CREB3L2: variants seen among roughly 807,000 people sequenced by gnomAD.
CREB3L2 encodes cAMP responsive element binding protein 3 like 2.
CREB3L2 carries 23 observed loss-of-function variants against 57.2 expected under a neutral mutation model. The ratio of observed to expected loss-of-function variants is 0.40; its 90% confidence interval spans 0.29 to 0.57. CREB3L2 has a LOEUF of 0.57. Ranked by LOEUF, CREB3L2 falls within the 20% of genes least tolerant of loss-of-function variation. The pLI, the probability that CREB3L2 is intolerant of heterozygous loss-of-function variation, is 0.42. For missense variants in CREB3L2, 628 were observed against 634.7 expected (o/e 0.99, Z 0.11); for synonymous variants, 268 against 265.1 (o/e 1.01, Z -0.11).
At chr7:137,936,185 GAC>G (rs1310774194) in intron 1 of CREB3L2, among the ~76,000 whole-genome samples, 4 of 152,226 alleles carry the variant, frequency 2.6e-5, no homozygotes, top group African/African-American at 7.2e-5. Context: ...GTCTTATAAA[GAC>G]AGAGTTATCC....
rs1800986654 is a variant in CREB3L2, at chr7:137,946,768, AGTT to A, written c.103-18405_103-18403del. On this transcript the variant is annotated intron_variant, in intron 1 of 11. Coordinates refer to ENST00000330387, the MANE Select transcript of CREB3L2 (RefSeq NM_194071.4). Reference sequence around the variant, plus strand: ...TTTTTTATAGTTATCTATATAGTTTAGTTATCTATATAGTTATCTATATAGTTA... The same window carrying A: ...TTTTTTATAGTTATCTATATAGTTTAATCTATATAGTTATCTATATAGTTA... Among the ~76,000 whole-genome samples the A allele has an allele frequency of 6.3e-5, 2 of 31,928 alleles. 1 individual carries two copies. The highest frequency in any genetic ancestry group is 1.4e-4 in the Non-Finnish European group (2 of 14,260). The allele number at this position is 31,928 out of a possible 152,430, so 20.9% of individuals were successfully genotyped here.
At chr7:137,986,976 T>A (rs566616924) in intron 1 of CREB3L2, among the ~76,000 whole-genome samples, 2 of 152,216 alleles carry the variant, frequency 1.3e-5, no homozygotes, top group Non-Finnish European at 2.9e-5. Flanking sequence ...ACATCACAGC[T>A]GTGCTGCAGC....
At position 137,904,337 on chromosome 7, in the gene CREB3L2, C is replaced by T. The variant is rs557169624; in HGVS notation, c.916-320G>A. On this transcript the variant is annotated intron_variant, in intron 6 of 11. Transcript: ENST00000330387. ...CTTGAGGTCAGGAGTTCGAGACCAG[C>T]CTGGCCAACATGGTGAAACCCTGTC... Among the ~76,000 whole-genome samples, 93 of 152,166 alleles carry T rather than the reference C, an allele frequency of 6.1e-4. 1 individual carries two copies. The highest frequency in any genetic ancestry group is 3.4e-3 in the Middle Eastern group (1 of 294).
intron 1 of CREB3L2, among the ~76,000 whole-genome samples, chr7:137,948,800 A>C (rs1801045122): frequency 6.6e-6 from 1 of 152,198 alleles, no homozygotes; most frequent in South Asian, 2.1e-4. Context: ...CCAAGAAGGT[A>C]TATCAGATGC....
rs372731384 is a variant in CREB3L2, at chr7:137,878,947, CAGAG to C, written c.*1525_*1528del. On this transcript the variant is annotated 3_prime_UTR_variant, in exon 12 of 12. Coordinates refer to ENST00000330387, the MANE Select transcript of CREB3L2 (RefSeq NM_194071.4). ...GTGGGGGGAGAGAGAGAAGGAGAGA[CAGAG>C]AGAGAGAGGGAGAGAGAGAAGCCAA... 6 of 401,066 alleles carry C rather than the reference CAGAG, an allele frequency of 1.5e-5. No individual in the cohort carries two copies. Among genetic ancestry groups the C allele is most frequent in the African/African-American group, 4.1e-5 (2 of 48,334 alleles). 24.8% of individuals were successfully genotyped at this position (401,066 alleles called of 1,614,324 possible).
rs1585580734 is a variant in CREB3L2, at chr7:137,877,054, A to T, written c.*3422T>A. ...GAGGAGCCATAAAATGCTGGAGAAC[A>T]ATTTTAAAAAACACTTATGAAAAAA... On this transcript the variant is annotated 3_prime_UTR_variant, in exon 12 of 12. Transcript: ENST00000330387. 8.7e-6 allele frequency: 2 copies of T among 229,736 alleles called. No individual in the cohort carries two copies. The highest frequency in any genetic ancestry group is 1.2e-4 in the East Asian group (2 of 16,136). 14.2% of individuals were successfully genotyped at this position (229,736 alleles called of 1,614,324 possible).
At chr7:137,922,453 TACACACATATATATATACACAC>T (rs1800344727) in intron 2 of CREB3L2, 1 of 72,580 alleles carries the variant, frequency 1.4e-5, no homozygotes, top group African/African-American at 6.3e-5. Context: ...TATATATATA[TACACACATATATATATACACAC>T]ATATATATAT....
intron 1 of CREB3L2, among the ~76,000 whole-genome samples, chr7:137,961,718 G>A (rs190343584): frequency 1.4e-4 from 22 of 152,140 alleles, no homozygotes; most frequent in South Asian, 8.3e-4. Context: ...TTTCCCACCC[G>A]GGGGGCACAC....
rs1384367722 is a variant in CREB3L2, at chr7:138,002,069, C to A, written c.-364G>T. On this transcript the variant is annotated 5_prime_UTR_variant, in exon 1 of 12. Transcript: ENST00000330387. The stretch of plus-strand genomic sequence containing the variant: ...CTCCAGACACAAACTTTGAGGGACC[C>A]CAGGGCTCCTCGGCTCTGCTCCAGG... The A allele has an allele frequency of 1.1e-5, 3 of 283,012 alleles. No homozygotes were observed. The highest frequency in any genetic ancestry group is 2.0e-5 in the Non-Finnish European group (3 of 148,624). 17.5% of individuals were successfully genotyped at this position (283,012 alleles called of 1,614,324 possible). A position where few individuals can be genotyped will look rare whatever the true frequency, so the allele number is the denominator to read the frequency against.
In CREB3L2 at chr7:137,912,105, G is replaced by T. The variant is rs192181428; in HGVS notation, c.583+886C>A. Among the ~76,000 whole-genome samples, 5 of 152,256 alleles carry T rather than the reference G, an allele frequency of 3.3e-5. No individual in the cohort carries two copies. In the East Asian group the frequency reaches 7.7e-4, roughly 23 times the overall value. On this transcript the variant is annotated intron_variant, in intron 4 of 11. Transcript: ENST00000330387. Reference sequence around the variant, plus strand: ...AAATATAACAACCTTGGCCAGGCGTGGTGGCTTATGCCTGTAATCCCAGGA... The same window carrying T: ...AAATATAACAACCTTGGCCAGGCGTTGTGGCTTATGCCTGTAATCCCAGGA...
intron 1 of CREB3L2, among the ~76,000 whole-genome samples, chr7:137,960,696 A>G (rs1448562994): frequency 6.6e-6 from 1 of 152,192 alleles, no homozygotes; most frequent in East Asian, 1.9e-4. Context: ...GCATATTTTG[A>G]ACAGTTTTGC....
chr7:137,914,693 C>T (rs1693656745), intron 3 of CREB3L2, among the ~76,000 whole-genome samples: 1 of 151,940 alleles, frequency 6.6e-6, no homozygotes, highest in Non-Finnish European at 1.5e-5. Flanking sequence ...TAATATAGAC[C>T]AGAGAGCCCA....
chr7:137,946,912 T>TTATATATATAGTTA (rs1563262351), intron 1 of CREB3L2, among the ~76,000 whole-genome samples: 1 of 52,362 alleles, frequency 1.9e-5, no homozygotes, highest in African/African-American at 1.2e-4. Context: ...ATATATATAG[T>TTATATATATAGTTA]TATATATATA....
intron 1 of CREB3L2, among the ~76,000 whole-genome samples, chr7:137,940,454 A>T (rs1262855208): frequency 6.6e-6 from 1 of 152,240 alleles, no homozygotes; most frequent in African/African-American, 2.4e-5. Context: ...GAAACACTGG[A>T]TATCATCTGG....
At chr7:137,991,801 G>C (rs527240932) in intron 1 of CREB3L2, among the ~76,000 whole-genome samples, 1 of 151,706 alleles carries the variant, frequency 6.6e-6, no homozygotes, top group Non-Finnish European at 1.5e-5. Context: ...CCAGCTACTC[G>C]GGAGACTGAG....
In CREB3L2 at chr7:137,882,492, C is replaced by A. The variant is rs558679935; in HGVS notation, c.1407G>T (p.Pro469=). 9.3e-6 allele frequency: 15 copies of A among 1,614,070 alleles called. No individual in the cohort carries two copies. Among genetic ancestry groups the A allele is most frequent in the Admixed American group, 1.7e-5 (1 of 60,018 alleles). Residue 469 remains proline, a synonymous_variant, in exon 11 of 12, where the codon CCG becomes CCT. Coordinates refer to ENST00000330387, the MANE Select transcript of CREB3L2 (RefSeq NM_194071.4). ...TAATGAAATGGGGAAGATCCACATC[C>A]GGCCTGGACTCCAGCCCTGACACCC... The part of the protein sequence containing the change: ...LLRVSGLESR[P]DVDLPHFIIS...
At chr7:137,924,657 T>G (rs745595877) in intron 2 of CREB3L2, among the ~76,000 whole-genome samples, 7 of 152,198 alleles carry the variant, frequency 4.6e-5, no homozygotes, top group Middle Eastern at 3.2e-3. Flanking sequence ...TTTTTTTTGG[T>G]GTTTTCTTGT....
At chr7:137,919,096 A>G (rs1585624605) in intron 2 of CREB3L2, among the ~76,000 whole-genome samples, 1 of 152,294 alleles carries the variant, frequency 6.6e-6, no homozygotes, top group African/African-American at 2.4e-5. Context: ...CTTCCATTCC[A>G]ATACAGCAAT....
intron 1 of CREB3L2, chr7:137,956,675 CAAT>C (rs758868829): frequency 1.6e-6 from 2 of 1,262,698 alleles, no homozygotes; most frequent in South Asian, 2.5e-5. Flanking sequence ...CACAATTTAA[CAAT>C]GATAGTTATT....
Sources: allele counts gnomAD v4.1 joint callset (sites outside exome capture counted in the v4.1 genomes callset), GRCh38; gene constraint gnomAD v4.1.1; transcripts MANE v1.5; gene names NCBI Gene and HGNC (gene_info 2026-07-23, HGNC 2026-07-21).